The following ARHGAP15 variants were observed in gnomAD, a reference collection of about 807,000 sequenced individuals.
The protein encoded by ARHGAP15 is rho GTPase-activating protein 15.
A neutral mutation model predicts 63.7 loss-of-function variants in ARHGAP15; 51 were observed. The observed-to-expected ratio is 0.80, with a 90% CI of 0.64 to 1.01. ARHGAP15 has a LOEUF of 1.01. Among genes scored for constraint, ARHGAP15 ranks in the 50% least tolerant of loss-of-function variants. The pLI is 0.00. For missense variants in ARHGAP15, 560 were observed against 564.6 expected (o/e 0.99, Z 0.08); for synonymous variants, 191 against 193.8 (o/e 0.99, Z 0.12).
At chr2:143,692,143 C>G (rs1432652279) in intron 12 of ARHGAP15, among the ~76,000 whole-genome samples, 1 of 151,988 alleles carries the variant, frequency 6.6e-6, no homozygotes, top group Non-Finnish European at 1.5e-5. Context: ...GTAAGATGGT[C>G]ACAAAGTTGA....
At chr2:143,560,506 C>T (rs1695974665) in intron 11 of ARHGAP15, among the ~76,000 whole-genome samples, 1 of 152,242 alleles carries the variant, frequency 6.6e-6, no homozygotes, top group South Asian at 2.1e-4. Flanking sequence ...CTGTCTGACT[C>T]AGAGCCTATG....
chr2:143,624,901 GTT>G lies in ARHGAP15; in HGVS notation c.1138+643_1138+644del, dbSNP rs34440273. 5.4e-3 allele frequency among the ~76,000 whole-genome samples: 813 copies of G among 149,898 alleles called. 5 individuals carry two copies. Among genetic ancestry groups the G allele is most frequent in the Middle Eastern group, 0.01 (3 of 292 alleles). ...TACACTCCATGAAGCTTCCTTTTCT[GTT>G]TTTTTTTTAATTCATAAAACACACA... is the stretch of plus-strand genomic sequence containing the variant. On this transcript the variant is annotated intron_variant, in intron 12 of 13. Transcript: ENST00000295095.
At chr2:143,245,553 C>T (rs1694016989) in intron 5 of ARHGAP15, among the ~76,000 whole-genome samples, 1 of 150,622 alleles carries the variant, frequency 6.6e-6, no homozygotes, top group Non-Finnish European at 1.5e-5. Flanking sequence ...CTGGCAATAA[C>T]GGAAAGGAAA....
intron 9 of ARHGAP15, among the ~76,000 whole-genome samples, chr2:143,509,744 T>C (rs1248652969): frequency 6.6e-6 from 1 of 152,050 alleles, no homozygotes; most frequent in Non-Finnish European, 1.5e-5. Context: ...GAGTAGAGGC[T>C]GGGCATGGTG....
intron 12 of ARHGAP15, among the ~76,000 whole-genome samples, chr2:143,624,682 T>G (rs1698768755): frequency 6.6e-6 from 1 of 152,188 alleles, no homozygotes. Context: ...TCATGAAATA[T>G]GTGTTAAATT....
chr2:143,219,589 A>T (rs1478125673), intron 4 of ARHGAP15, among the ~76,000 whole-genome samples: 1 of 152,188 alleles, frequency 6.6e-6, no homozygotes, highest in South Asian at 2.1e-4. Context: ...GGAGTACAGG[A>T]TTGCTCAGTG....
chr2:143,485,050 T>A (rs1202884323), intron 8 of ARHGAP15, among the ~76,000 whole-genome samples: 2 of 152,156 alleles, frequency 1.3e-5, no homozygotes, highest in East Asian at 3.9e-4. Context: ...CTCTCAGACC[T>A]ATAGTACCCA....
intron 6 of ARHGAP15, among the ~76,000 whole-genome samples, chr2:143,307,432 T>C (rs1465422183): frequency 6.6e-6 from 1 of 152,096 alleles, no homozygotes; most frequent in Non-Finnish European, 1.5e-5. Context: ...TTCAACTAAA[T>C]AAAGGGCATT....
chr2:143,183,770 T>G (rs1224722735), intron 2 of ARHGAP15, among the ~76,000 whole-genome samples: 2 of 151,850 alleles, frequency 1.3e-5, no homozygotes, highest in Non-Finnish European at 2.9e-5. Context: ...ATATTACAAT[T>G]TTGTTTACTG....
chr2:143,134,479 G>A (rs1339526857), intron 1 of ARHGAP15, among the ~76,000 whole-genome samples: 1 of 152,068 alleles, frequency 6.6e-6, no homozygotes, highest in African/African-American at 2.4e-5. Flanking sequence ...ATTAAAGGTC[G>A]ATTTGCTTTC....
chr2:143,415,208 T>G (rs192539715), intron 6 of ARHGAP15, among the ~76,000 whole-genome samples: 83 of 152,134 alleles, frequency 5.5e-4, no homozygotes, highest in African/African-American at 1.9e-3. Context: ...CATTCATTGT[T>G]TAGGAAAAAA....
intron 10 of ARHGAP15, among the ~76,000 whole-genome samples, chr2:143,537,329 G>A (rs550398216): frequency 6.6e-6 from 1 of 152,050 alleles, no homozygotes; most frequent in African/African-American, 2.4e-5. Flanking sequence ...TCTGTAGGTT[G>A]CCTGTTCACT....
At chr2:143,749,312 T>G (rs567774678) in intron 13 of ARHGAP15, among the ~76,000 whole-genome samples, 12 of 152,200 alleles carry the variant, frequency 7.9e-5, no homozygotes, top group Non-Finnish European at 1.5e-4. Context: ...AGGTCACATC[T>G]TCCAATAAGT....
At chr2:143,345,643 C>T (rs537488412) in intron 6 of ARHGAP15, among the ~76,000 whole-genome samples, 1 of 151,982 alleles carries the variant, frequency 6.6e-6, no homozygotes, top group Admixed American at 6.6e-5. Context: ...CAGTTTCTTT[C>T]ATTTTTTTGC....
At chr2:143,402,373 G>C (rs1189318566) in intron 6 of ARHGAP15, among the ~76,000 whole-genome samples, 1 of 151,842 alleles carries the variant, frequency 6.6e-6, no homozygotes, top group Non-Finnish European at 1.5e-5. Context: ...TTTTATTACA[G>C]ATCAAACTAA....
At chr2:143,307,460 TAA>T (rs1244975380) in intron 6 of ARHGAP15, among the ~76,000 whole-genome samples, 1 of 152,168 alleles carries the variant, frequency 6.6e-6, no homozygotes, top group South Asian at 2.1e-4. Context: ...GCAATATGGA[TAA>T]GTTTTAAATG....
At chr2:143,510,207 C>T (rs1320181179) in intron 9 of ARHGAP15, among the ~76,000 whole-genome samples, 3 of 151,998 alleles carry the variant, frequency 2.0e-5, no homozygotes, top group East Asian at 3.9e-4. Flanking sequence ...TTCCAATATC[C>T]GCTGCCTCTC....
chr2:143,303,920 G>GT (rs1683040868), intron 6 of ARHGAP15, among the ~76,000 whole-genome samples: 1 of 152,168 alleles, frequency 6.6e-6, no homozygotes, highest in African/African-American at 2.4e-5. Context: ...ACTCACACCA[G>GT]TTAGAATGGT....
At chr2:143,248,184 A>C (rs1371651610) in intron 5 of ARHGAP15, among the ~76,000 whole-genome samples, 2 of 152,190 alleles carry the variant, frequency 1.3e-5, no homozygotes, top group Non-Finnish European at 2.9e-5. Flanking sequence ...AACCAGGAGT[A>C]CTGGAGTACA....
Sources: allele counts gnomAD v4.1 joint callset (sites outside exome capture counted in the v4.1 genomes callset), GRCh38; gene constraint gnomAD v4.1.1; transcripts MANE v1.5; gene names NCBI Gene and HGNC (gene_info 2026-07-23, HGNC 2026-07-21).